The following CTNNA3 variants were observed in gnomAD, a reference collection of about 807,000 sequenced individuals.
CTNNA3 encodes the protein catenin alpha 3, also known as catenin alpha-3.
A neutral mutation model predicts 95.7 loss-of-function variants in CTNNA3; 76 were observed. The observed-to-expected ratio is 0.79, with a 90% CI of 0.66 to 0.96. The LOEUF (loss-of-function observed/expected upper bound fraction) is 0.96, where lower values mean the gene tolerates loss of function less well. Ranked by LOEUF, CTNNA3 falls within the 40% of genes least tolerant of loss-of-function variation. The pLI, the probability that CTNNA3 is intolerant of heterozygous loss-of-function variation, is 0.00. For missense variants in CTNNA3, 1,191 were observed against 1,089.8 expected, an observed-to-expected ratio of 1.09 and a Z score of -1.31; for synonymous variants, 431 against 374.4, an observed-to-expected ratio of 1.15 and a Z score of -1.74.
At chr10:67,101,189 C>G (rs1453928127) in intron 7 of CTNNA3, among the ~76,000 whole-genome samples, 1 of 151,504 alleles carries the variant, frequency 6.6e-6, no homozygotes, top group Admixed American at 6.6e-5. Context: ...CCCCGAGGTA[C>G]AGACATAAAA....
chr10:66,630,617 T>C (rs1313019884), intron 9 of CTNNA3, among the ~76,000 whole-genome samples: 2 of 152,190 alleles, frequency 1.3e-5, no homozygotes, highest in African/African-American at 4.8e-5. Flanking sequence ...CTTCATTGTC[T>C]ATTTCAGAAT....
chr10:66,687,579 A>G (rs1847344329), intron 9 of CTNNA3, among the ~76,000 whole-genome samples: 1 of 152,116 alleles, frequency 6.6e-6, no homozygotes, highest in African/African-American at 2.4e-5. Context: ...TGAATTACAA[A>G]CAGGTGATAA....
At chr10:66,859,079 A>G (rs917809279) in intron 7 of CTNNA3, among the ~76,000 whole-genome samples, 1 of 152,102 alleles carries the variant, frequency 6.6e-6, no homozygotes, top group Non-Finnish European at 1.5e-5. Context: ...TAAATTTAAT[A>G]ATAATTTTAC....
At chr10:67,078,102 A>G (rs1231192274) in intron 7 of CTNNA3, among the ~76,000 whole-genome samples, 1 of 152,214 alleles carries the variant, frequency 6.6e-6, no homozygotes, top group Non-Finnish European at 1.5e-5. Context: ...AACTTCAGTC[A>G]GCTTAACAGC....
chr10:67,538,746 C>T (rs537070059), intron 4 of CTNNA3, among the ~76,000 whole-genome samples: 2 of 152,088 alleles, frequency 1.3e-5, no homozygotes, highest in African/African-American at 2.4e-5. Flanking sequence ...TATGAAAATG[C>T]AGATTTATTT....
intron 9 of CTNNA3, among the ~76,000 whole-genome samples, chr10:66,727,397 A>C (rs1044860617): frequency 2.0e-5 from 3 of 152,112 alleles, no homozygotes; most frequent in African/African-American, 7.2e-5. Flanking sequence ...ACTCTTTTAA[A>C]CTAGTCAAGG....
At chr10:67,327,458 A>G (rs1278474928) in intron 5 of CTNNA3, among the ~76,000 whole-genome samples, 1 of 152,138 alleles carries the variant, frequency 6.6e-6, no homozygotes, top group African/African-American at 2.4e-5. Context: ...AAGTGAATTC[A>G]GCTAACTGCC....
intron 7 of CTNNA3, among the ~76,000 whole-genome samples, chr10:66,963,715 T>C (rs1849248555): frequency 6.6e-6 from 1 of 152,102 alleles, no homozygotes; most frequent in African/African-American, 2.4e-5. Context: ...CAAGACTCTA[T>C]TCATGAGAAA....
At chr10:67,662,298 A>G (rs1023808503) in intron 1 of CTNNA3, among the ~76,000 whole-genome samples, 1 of 152,240 alleles carries the variant, frequency 6.6e-6, no homozygotes, top group African/African-American at 2.4e-5. Context: ...TGATTTTAGC[A>G]ATATATTGCA....
At chr10:67,724,953 T>G (rs1290961293) in intron 1 of CTNNA3, among the ~76,000 whole-genome samples, 1 of 152,058 alleles carries the variant, frequency 6.6e-6, no homozygotes, top group African/African-American at 2.4e-5. Context: ...AAACCTTACT[T>G]CCTATTACAC....
At chr10:67,125,730 A>T (rs1473464162) in intron 7 of CTNNA3, among the ~76,000 whole-genome samples, 2 of 152,224 alleles carry the variant, frequency 1.3e-5, no homozygotes, top group East Asian at 3.9e-4. Flanking sequence ...TTGGTCTGCC[A>T]ATTTGTATGG....
intron 7 of CTNNA3, among the ~76,000 whole-genome samples, chr10:67,160,906 T>C (rs978562178): frequency 2.6e-5 from 4 of 152,186 alleles, no homozygotes; most frequent in African/African-American, 9.6e-5. Flanking sequence ...GAGAACATTA[T>C]GCTAAGTGAA....
chr10:66,348,408 A>G (rs1430246505), intron 12 of CTNNA3, among the ~76,000 whole-genome samples: 4 of 152,088 alleles, frequency 2.6e-5, no homozygotes, highest in Non-Finnish European at 4.4e-5. Flanking sequence ...TACAATGCAT[A>G]TTATTCCATG....
intron 13 of CTNNA3, among the ~76,000 whole-genome samples, chr10:66,112,894 T>C (rs1340520905): frequency 6.6e-6 from 1 of 152,182 alleles, no homozygotes; most frequent in Non-Finnish European, 1.5e-5. Flanking sequence ...TAGATTGTTT[T>C]CACATCTTGG....
intron 1 of CTNNA3, among the ~76,000 whole-genome samples, chr10:67,682,145 C>T (rs947543822): frequency 5.3e-5 from 7 of 131,426 alleles, no homozygotes; most frequent in Non-Finnish European, 8.1e-5. Context: ...GTGACAAGAG[C>T]AAAACCCCGT....
intron 7 of CTNNA3, among the ~76,000 whole-genome samples, chr10:66,840,983 T>C (rs1055155346): frequency 6.6e-6 from 1 of 152,212 alleles, no homozygotes; most frequent in Non-Finnish European, 1.5e-5. Context: ...TCTACAATCA[T>C]GTATGTTACC....
At chr10:67,473,616 C>G (rs180677227) in intron 5 of CTNNA3, among the ~76,000 whole-genome samples, 12 of 152,270 alleles carry the variant, frequency 7.9e-5, no homozygotes, top group African/African-American at 2.9e-4. Flanking sequence ...ACTGTAAATA[C>G]AGTGGGCCCT....
intron 3 of CTNNA3, among the ~76,000 whole-genome samples, chr10:67,605,231 G>T (rs1843225374): frequency 6.6e-6 from 1 of 152,206 alleles, no homozygotes; most frequent in Non-Finnish European, 1.5e-5. Context: ...ATGGATGAAA[G>T]TGAAGAACAT....
chr10:67,663,364 T>C (rs914194840), intron 1 of CTNNA3, among the ~76,000 whole-genome samples: 1 of 151,960 alleles, frequency 6.6e-6, no homozygotes, highest in African/African-American at 2.4e-5. Context: ...TAAAGCTAGC[T>C]GAGGTTTTAT....
Sources: gnomAD v4.1 joint callset for allele counts (sites outside exome capture counted in the v4.1 genomes callset) on GRCh38, gnomAD v4.1.1 for gene constraint, MANE v1.5 for transcripts, NCBI Gene and HGNC (gene_info 2026-07-23, HGNC 2026-07-21) for gene names.